The following CPNE4 variants were observed in gnomAD, a reference collection of about 807,000 sequenced individuals.
The protein encoded by CPNE4 is copine 4, also known as copine-4.
In CPNE4, 25 loss-of-function variants were observed where a neutral mutation model predicts 67.9. The ratio of observed to expected loss-of-function variants is 0.37; its 90% CI spans 0.27 to 0.51. CPNE4 has a LOEUF of 0.51. Among genes scored for constraint, CPNE4 ranks in the 20% least tolerant of loss-of-function variants. CPNE4 has a pLI of 0.93. For synonymous variants in CPNE4, 242 were observed against 244.9 expected (o/e 0.99, Z 0.11); for missense variants, 464 against 690.8 (o/e 0.67, Z 3.68).
At chr3:131,630,150 G>T (rs768894431) in intron 7 of CPNE4, among the ~76,000 whole-genome samples, 10 of 152,184 alleles carry the variant, frequency 6.6e-5, no homozygotes, top group Non-Finnish European at 1.2e-4. Context: ...ACGCTGTCCT[G>T]CAACACAGGA....
intron 5 of CPNE4, among the ~76,000 whole-genome samples, chr3:131,691,972 A>C (rs992707401): frequency 6.6e-6 from 1 of 152,184 alleles, no homozygotes; most frequent in Admixed American, 6.5e-5. Context: ...ATTAGCACTA[A>C]GATGGCCATT....
intron 3 of CPNE4, among the ~76,000 whole-genome samples, chr3:131,719,891 T>C (rs1366652433): frequency 1.3e-5 from 2 of 152,222 alleles, no homozygotes; most frequent in African/African-American, 4.8e-5. Flanking sequence ...CCACATGTCT[T>C]ACTGGACACA....
chr3:131,622,229 C>T (rs1301798052), intron 7 of CPNE4, among the ~76,000 whole-genome samples: 3 of 151,998 alleles, frequency 2.0e-5, no homozygotes, highest in Non-Finnish European at 4.4e-5. Context: ...GGTTTCATCA[C>T]TCTTGGGAAC....
At chr3:132,037,761 G>C, upstream of CPNE4, 1 of 608,800 alleles carries the variant, frequency 1.6e-6, no homozygotes, top group Non-Finnish European at 2.9e-6. Context: ...ATGCCAATAT[G>C]AAAGGCATCT....
At chr3:131,655,882 T>C (rs2079945213) in intron 7 of CPNE4, among the ~76,000 whole-genome samples, 1 of 152,182 alleles carries the variant, frequency 6.6e-6, no homozygotes, top group African/African-American at 2.4e-5. Flanking sequence ...TTCTAGGAAC[T>C]GTTCAAAGAA....
At chr3:131,659,625 AAGAC>A (rs1364111903) in intron 7 of CPNE4, among the ~76,000 whole-genome samples, 1 of 152,248 alleles carries the variant, frequency 6.6e-6, no homozygotes, top group Admixed American at 6.5e-5. Context: ...AAAAAAATCA[AAGAC>A]AGAGCATGAC....
intron 2 of CPNE4, among the ~76,000 whole-genome samples, chr3:131,745,280 A>G (rs2082460893): frequency 6.6e-6 from 1 of 151,898 alleles, no homozygotes; most frequent in African/African-American, 2.4e-5. Flanking sequence ...TTGCTTGTTT[A>G]TTGTTGAGTT....
At chr3:131,836,278 T>C (rs1024602563) in intron 2 of CPNE4, among the ~76,000 whole-genome samples, 1 of 152,174 alleles carries the variant, frequency 6.6e-6, no homozygotes, top group African/African-American at 2.4e-5. Flanking sequence ...GTGGGGTTCA[T>C]TCTAGGATGC....
chr3:131,635,604 C>A (rs1422708876), intron 7 of CPNE4, among the ~76,000 whole-genome samples: 2 of 152,248 alleles, frequency 1.3e-5, no homozygotes, highest in Non-Finnish European at 2.9e-5. Flanking sequence ...CCCTATTGGA[C>A]TGTGCCAATA....
At chr3:131,711,875 G>A (rs193118606) in intron 3 of CPNE4, among the ~76,000 whole-genome samples, 78 of 152,134 alleles carry the variant, frequency 5.1e-4, no homozygotes, top group Non-Finnish European at 8.7e-4. Flanking sequence ...TTTGTTCTTC[G>A]TGCCCCAAGC....
chr3:131,932,680 C>A (rs1477869908), intron 1 of CPNE4, among the ~76,000 whole-genome samples: 3 of 151,690 alleles, frequency 2.0e-5, no homozygotes, highest in Non-Finnish European at 4.4e-5. Flanking sequence ...ATGAAGAGCA[C>A]GCACTGGGAG....
At chr3:132,026,187 T>C (rs2074112434) in intron 1 of CPNE4, among the ~76,000 whole-genome samples, 1 of 152,188 alleles carries the variant, frequency 6.6e-6, no homozygotes, top group African/African-American at 2.4e-5. Flanking sequence ...TGCAGGATAT[T>C]TGCTAAGGGA....
At chr3:131,744,272 T>G (rs894624798) in intron 2 of CPNE4, among the ~76,000 whole-genome samples, 3 of 152,028 alleles carry the variant, frequency 2.0e-5, no homozygotes, top group Non-Finnish European at 4.4e-5. Context: ...AAGTGATTGG[T>G]TTTTCTCTAT....
intron 1 of CPNE4, among the ~76,000 whole-genome samples, chr3:131,906,207 T>TTTG (rs2088746582): frequency 9.1e-6 from 1 of 110,274 alleles, no homozygotes; most frequent in African/African-American, 3.8e-5. Flanking sequence ...TTTTTGTTTT[T>TTTG]TTTTGTTGTT....
At chr3:131,745,117 C>A (rs926140127) in intron 2 of CPNE4, among the ~76,000 whole-genome samples, 3 of 152,124 alleles carry the variant, frequency 2.0e-5, no homozygotes, top group Admixed American at 6.5e-5. Context: ...TTTATTATTT[C>A]AGCCATTCTA....
chr3:131,755,094 A>G (rs958754986), intron 2 of CPNE4, among the ~76,000 whole-genome samples: 1 of 152,170 alleles, frequency 6.6e-6, no homozygotes, highest in Non-Finnish European at 1.5e-5. Context: ...ATGATTATTA[A>G]AGAGTAAAAT....
chr3:131,826,619 ATTC>A lies in CPNE4; in HGVS notation c.180+78642_180+78644del, dbSNP rs143915877. ...TCGCTGTTAATTCCCTATCTTCCCT[ATTC>A]TTTGGAGATTGCTCTATTTTGAAGT... On this transcript the variant is annotated intron_variant, in intron 2 of 15. Coordinates refer to ENST00000429747, the MANE Select transcript of CPNE4 (RefSeq NM_130808.3). Among the ~76,000 whole-genome samples the A allele has an allele frequency of 7.5e-3, 1,138 of 152,022 alleles. 14 individuals carry two copies. The highest frequency in any genetic ancestry group is 0.026 in the African/African-American group (1,097 of 41,424).
chr3:131,656,175 T>C (rs951279219), intron 7 of CPNE4, among the ~76,000 whole-genome samples: 6 of 151,046 alleles, frequency 4.0e-5, no homozygotes, highest in African/African-American at 1.5e-4. Context: ...TCTAACTCCC[T>C]ATGGCTGGTG....
At chr3:131,686,041 GA>G (rs2080880892) in intron 5 of CPNE4, 83 bp from the exon 6 acceptor site, 1 of 761,404 alleles carries the variant, frequency 1.3e-6, no homozygotes, top group Non-Finnish European at 2.2e-6. Context: ...TAATCAACAG[GA>G]AAACCCTCTT....
Sources: gnomAD v4.1 joint callset for allele counts (sites outside exome capture counted in the v4.1 genomes callset) on GRCh38, gnomAD v4.1.1 for gene constraint, MANE v1.5 for transcripts, NCBI Gene and HGNC (gene_info 2026-07-23, HGNC 2026-07-21) for gene names.